ZFAND5: variants seen among roughly 807,000 people sequenced by gnomAD.
The protein encoded by ZFAND5 is AN1-type zinc finger protein 5.
In ZFAND5, 4 loss-of-function variants were observed where a neutral mutation model predicts 23.6. The observed-to-expected ratio is 0.17, with a 90% CI of 0.08 to 0.39. The LOEUF (loss-of-function observed/expected upper bound fraction) is 0.39. Ranked by LOEUF, ZFAND5 falls within the 10% of genes least tolerant of loss-of-function variation. The probability of loss-of-function intolerance (pLI) is 1.00; values close to 1 mark genes in which losing one functional copy is unlikely to be tolerated. For missense variants in ZFAND5, 161 were observed against 253.7 expected (o/e 0.63, Z 2.48); for synonymous variants, 68 against 80.6 (o/e 0.84, Z 0.84).
chr9:72,356,269 A>C (rs1472712576), intron 6 of ZFAND5, among the ~76,000 whole-genome samples, 168 bp from the exon 7 acceptor site: 1 of 152,244 alleles, frequency 6.6e-6, no homozygotes, highest in Non-Finnish European at 1.5e-5. Flanking sequence ...ACTCTTACAG[A>C]GTCTATCACG....
chr9:72,354,218 T>C lies in ZFAND5; in HGVS notation c.*1735A>G, dbSNP rs1296673144. 1 of 152,226 alleles carries C rather than the reference T, an allele frequency of 6.6e-6. No homozygotes were observed. The highest frequency in any genetic ancestry group is 2.4e-5 in the African/African-American group (1 of 41,454). The allele number at this position is 152,226 out of a possible 1,614,324, so 9.4% of individuals were successfully genotyped here. On this transcript the variant is annotated 3_prime_UTR_variant, in exon 7 of 7. Coordinates refer to ENST00000376962, the MANE Select transcript of ZFAND5 (RefSeq NM_001102420.3). ...GCGAGGTAGGCCATAATTGTTCAAA[T>C]TTCATCTTTCTCAAATTTTAAAATT...
chr9:72,363,742 T>C (rs980870146), intron 1 of ZFAND5, 136 bp from the exon 2 acceptor site: 1 of 678,278 alleles, frequency 1.5e-6, no homozygotes, highest in African/African-American at 1.9e-5. Flanking sequence ...GCCTACTCTT[T>C]AAAAAAAATC....
rs1271567381 is a variant in ZFAND5, at chr9:72,353,309, G to C, written c.*2644C>G. On this transcript the variant is annotated 3_prime_UTR_variant, in exon 7 of 7. Coordinates refer to ENST00000376962, the MANE Select transcript of ZFAND5 (RefSeq NM_001102420.3). The stretch of plus-strand genomic sequence containing the variant: ...TGATTCCCTTTCTCCCCAGTCAATG[G>C]ACAACCCTGACAAATCTTTGTTCTG... 1 of 151,950 alleles carries C rather than the reference G, an allele frequency of 6.6e-6. No homozygotes were observed. Among genetic ancestry groups the C allele is most frequent in the East Asian group, 1.9e-4 (1 of 5,168 alleles). 9.4% of individuals were successfully genotyped at this position (151,950 alleles called of 1,614,324 possible).
chr9:72,363,719 C>T (rs2131988162), intron 1 of ZFAND5, 113 bp from the exon 2 acceptor site: 3 of 851,924 alleles, frequency 3.5e-6, no homozygotes, highest in Non-Finnish European at 4.2e-6. Context: ...TTTTCACCAA[C>T]TGAGTTCTGA....
At chr9:72,362,830 A>G (rs1219531238) in intron 2 of ZFAND5, among the ~76,000 whole-genome samples, 1 of 152,170 alleles carries the variant, frequency 6.6e-6, no homozygotes, top group Admixed American at 6.5e-5. Flanking sequence ...TCAGCCTGTC[A>G]CAAGGCTGCA....
intron 5 of ZFAND5, among the ~76,000 whole-genome samples, chr9:72,358,349 G>GA (rs1842003386): frequency 6.6e-6 from 1 of 151,996 alleles, no homozygotes; most frequent in South Asian, 2.1e-4. Flanking sequence ...GGCCACATCT[G>GA]AAAAATGAAC....
In ZFAND5 at chr9:72,351,871, CAA is replaced by C. The variant is rs1193068094; in HGVS notation, c.*4080_*4081del. ...TTAACAGCCTGTTGCCTCACCCATGCAAACTCTTCTAGCTAGTTTAAGGCTAC... is the reference window on the plus strand; with the variant it reads ...TTAACAGCCTGTTGCCTCACCCATGCACTCTTCTAGCTAGTTTAAGGCTAC... On this transcript the variant is annotated 3_prime_UTR_variant, in exon 7 of 7. Transcript: ENST00000376962. 6.6e-6 allele frequency: 1 copy of C among 152,190 alleles called. No individual in the cohort carries two copies. Among genetic ancestry groups the C allele is most frequent in the Non-Finnish European group, 1.5e-5 (1 of 68,038 alleles). 9.4% of individuals were successfully genotyped at this position (152,190 alleles called of 1,614,324 possible). A position where few individuals can be genotyped will look rare whatever the true frequency, so the allele number is the denominator to read the frequency against.
rs1432256144 is a variant in ZFAND5 at position 72,353,071 on chromosome 9, G to T, written c.*2882C>A. Reference sequence around the variant, plus strand: ...CACTGAAGATGAGGTTTTCAAAAAGGACTCACCCATTTATACTGCGAATTC... The same window carrying T: ...CACTGAAGATGAGGTTTTCAAAAAGTACTCACCCATTTATACTGCGAATTC... On this transcript the variant is annotated 3_prime_UTR_variant, in exon 7 of 7. Transcript: ENST00000376962. 6.6e-6 allele frequency: 1 copy of T among 152,220 alleles called. No homozygotes were observed. Among genetic ancestry groups the T allele is most frequent in the Non-Finnish European group, 1.5e-5 (1 of 68,040 alleles). 9.4% of individuals were successfully genotyped at this position (152,220 alleles called of 1,614,324 possible). A position where few individuals can be genotyped will look rare whatever the true frequency, so the allele number is the denominator to read the frequency against.
Position 72,352,754 on chromosome 9 carries a change from ACCATTATTCC to A in ZFAND5, c.*3189_*3198del, listed in dbSNP as rs1841809418. Reference sequence around the variant, plus strand: ...AAAGTTTTCTTCCCAAGTTATGGAAACCATTATTCCAGAACATTAAGACAATAGCAAATAC... The same window carrying A: ...AAAGTTTTCTTCCCAAGTTATGGAAAAGAACATTAAGACAATAGCAAATAC... On this transcript the variant is annotated 3_prime_UTR_variant, in exon 7 of 7. Transcript: ENST00000376962. 1 of 152,232 alleles carries A rather than the reference ACCATTATTCC, an allele frequency of 6.6e-6. No homozygotes were observed. The highest frequency in any genetic ancestry group is 2.4e-5 in the African/African-American group (1 of 41,448). The allele number at this position is 152,232 out of a possible 1,614,324, so 9.4% of individuals were successfully genotyped here. A position where few individuals can be genotyped will look rare whatever the true frequency, so the allele number is the denominator to read the frequency against.
chr9:72,364,666 G>A (rs1418847296), intron 1 of ZFAND5, 30 bp downstream of exon 1: 4 of 1,125,860 alleles, frequency 3.6e-6, no homozygotes, highest in African/African-American at 3.5e-5. Context: ...CAAGGAGCCC[G>A]GCTCCCACCC....
At chr9:72,360,935 T>C in intron 2 of ZFAND5, 148 bp from the exon 3 acceptor site, 1 of 718,098 alleles carries the variant, frequency 1.4e-6, no homozygotes, top group South Asian at 4.0e-5. Flanking sequence ...GAGATAATTA[T>C]CAATATTTTG....
chr9:72,358,908 T>G (rs1414244584), intron 5 of ZFAND5, among the ~76,000 whole-genome samples: 2 of 152,144 alleles, frequency 1.3e-5, no homozygotes, highest in Non-Finnish European at 2.9e-5. Flanking sequence ...TTGTGCTATA[T>G]AAGCAAAGTT....
chr9:72,356,844 T>A, intron 6 of ZFAND5, 87 bp downstream of exon 6: 1 of 1,398,986 alleles, frequency 7.1e-7, no homozygotes, highest in Admixed American at 2.5e-5. Context: ...TTTTTATGTG[T>A]AAGACCAACT....
chr9:72,360,558 C>A (rs1300368669), intron 3 of ZFAND5, 70 bp downstream of exon 3: 4 of 1,598,162 alleles, frequency 2.5e-6, no homozygotes, highest in Non-Finnish European at 3.4e-6. Flanking sequence ...GCATTCTCAG[C>A]CCCAATTCTT....
rs1441642070 is a variant in ZFAND5, at chr9:72,351,475, AAATACTCTG to A, written c.*4469_*4477del. On this transcript the variant is annotated 3_prime_UTR_variant, in exon 7 of 7. Transcript: ENST00000376962. ...AACTTTACTTCTATGGCTGTAACAG[AAATACTCTG>A]GAAGAAAACACAGAAACAGTCTTTG... 2 of 152,218 alleles carry A rather than the reference AAATACTCTG, an allele frequency of 1.3e-5. No homozygotes were observed. The highest frequency in any genetic ancestry group is 2.9e-5 in the Non-Finnish European group (2 of 68,046). The allele number at this position is 152,218 out of a possible 1,614,324, so 9.4% of individuals were successfully genotyped here.
At position 72,355,384 on chromosome 9, in the gene ZFAND5, G is replaced by A. The variant is rs554078979; in HGVS notation, c.*569C>T. 1 of 152,778 alleles carries A rather than the reference G, an allele frequency of 6.5e-6. No homozygotes were observed. Among genetic ancestry groups the A allele is most frequent in the African/African-American group, 2.4e-5 (1 of 41,560 alleles). 9.5% of individuals were successfully genotyped at this position (152,778 alleles called of 1,614,324 possible). On this transcript the variant is annotated 3_prime_UTR_variant, in exon 7 of 7. Transcript: ENST00000376962. ...CAGAATGTCTTATTTGACAGCTTTA[G>A]ATGACCAATTTAACCAGGCTTATAT...
intron 5 of ZFAND5, among the ~76,000 whole-genome samples, chr9:72,357,385 A>G (rs1454897265): frequency 6.6e-6 from 1 of 152,190 alleles, no homozygotes; most frequent in Non-Finnish European, 1.5e-5. Context: ...TGTTAATCAT[A>G]TGCTCAGTTT....
At chr9:72,360,922 G>A (rs1037832431) in intron 2 of ZFAND5, 135 bp from the exon 3 acceptor site, 1 of 762,752 alleles carries the variant, frequency 1.3e-6, no homozygotes, top group Non-Finnish European at 1.9e-6. Context: ...AAAAGGGTGG[G>A]CAGAGATAAT....
At chr9:72,364,300 T>G (rs1468157856) in intron 1 of ZFAND5, 12 of 586,978 alleles carry the variant, frequency 2.0e-5, no homozygotes, top group Non-Finnish European at 2.6e-5. Flanking sequence ...ACGGCTCCTC[T>G]TAGGGGAGAG....
Sources: gnomAD v4.1 joint callset for allele counts (sites outside exome capture counted in the v4.1 genomes callset) on GRCh38, gnomAD v4.1.1 for gene constraint, MANE v1.5 for transcripts, NCBI Gene and HGNC (gene_info 2026-07-23, HGNC 2026-07-21) for gene names.